CASQ2: variants seen among roughly 807,000 people sequenced by gnomAD.
The protein encoded by CASQ2 is calsequestrin 2, also known as calsequestrin-2.
A neutral mutation model predicts 46.5 loss-of-function variants in CASQ2; 49 were observed. The ratio of observed to expected loss-of-function variants is 1.05; its 90% CI spans 0.84 to 1.34. CASQ2 has a LOEUF of 1.34. Among genes scored for constraint, CASQ2 ranks in the 40% most tolerant of loss-of-function variants. The pLI, the probability that CASQ2 is intolerant of heterozygous loss-of-function variation, is 0.00. For missense variants in CASQ2, 486 were observed against 481.3 expected (o/e 1.01, Z -0.09); for synonymous variants, 174 against 168.5 (o/e 1.03, Z -0.25).
At chr1:115,750,578 G>A (rs1265814424) in intron 1 of CASQ2, among the ~76,000 whole-genome samples, 1 of 152,108 alleles carries the variant, frequency 6.6e-6, no homozygotes, top group Non-Finnish European at 1.5e-5. Context: ...GCACAATCAC[G>A]GCTCACTGAA....
chr1:115,748,802 G>C (rs1648475927), intron 1 of CASQ2, among the ~76,000 whole-genome samples: 1 of 152,120 alleles, frequency 6.6e-6, no homozygotes, highest in Admixed American at 6.5e-5. Flanking sequence ...ATATCACTCA[G>C]AGTCAGTAAT....
At chr1:115,728,796 A>G (rs764770602) in intron 5 of CASQ2, among the ~76,000 whole-genome samples, 1 of 152,188 alleles carries the variant, frequency 6.6e-6, no homozygotes, top group Non-Finnish European at 1.5e-5. Flanking sequence ...TCAGGATCAT[A>G]TATCTGGAGG....
rs1467146844 is a variant in CASQ2 at position 115,723,297 on chromosome 1, C to CTATT, written c.783+2210_783+2211insAATA. On this transcript the variant is annotated intron_variant, in intron 7 of 10. Transcript: ENST00000261448. ...ATCATCTATCTATATCTCTCTATAT[C>CTATT]TATCTATTTATCTATCTATCTATCT... is the stretch of plus-strand genomic sequence containing the variant. 1.6e-3 allele frequency among the ~76,000 whole-genome samples: 228 copies of CTATT among 138,816 alleles called. 1 individual carries two copies. Among genetic ancestry groups the CTATT allele is most frequent in the African/African-American group, 5.9e-3 (218 of 36,974 alleles). 91.1% of individuals were successfully genotyped at this position (138,816 alleles called of 152,430 possible).
At chr1:115,725,407 C>T (rs535459644) in intron 7 of CASQ2, 101 bp downstream of exon 7, 284 of 1,339,062 alleles carry the variant, frequency 2.1e-4, no homozygotes, top group Non-Finnish European at 2.8e-4. Context: ...CCACCTCAGC[C>T]AAATAAACTT....
intron 1 of CASQ2, among the ~76,000 whole-genome samples, chr1:115,759,009 A>T (rs1424954050): frequency 6.6e-6 from 1 of 152,222 alleles, no homozygotes; most frequent in Non-Finnish European, 1.5e-5. Flanking sequence ...GAGGGTAGAG[A>T]AGGTAAAATG....
intron 1 of CASQ2, among the ~76,000 whole-genome samples, chr1:115,750,296 T>C (rs1570846566): frequency 6.6e-6 from 1 of 152,192 alleles, no homozygotes; most frequent in African/African-American, 2.4e-5. Flanking sequence ...GACGTACAAC[T>C]GTTTCTCTGC....
intron 7 of CASQ2, among the ~76,000 whole-genome samples, chr1:115,723,274 C>CATCTATCT (rs1553193948): frequency 0.23 from 34,986 of 150,364 alleles, 4,220 homozygotes; most frequent in African/African-American, 0.29. Flanking sequence ...ATCTATCTAT[C>CATCTATCT]ATCTATCTAT....
intron 7 of CASQ2, among the ~76,000 whole-genome samples, chr1:115,720,268 G>A (rs1447848876): frequency 2.0e-5 from 3 of 152,108 alleles, no homozygotes; most frequent in African/African-American, 4.8e-5. Context: ...GGTGTCTCGC[G>A]AGGCCTGCTT....
chr1:115,728,313 T>A (rs1647665094), intron 5 of CASQ2, among the ~76,000 whole-genome samples: 2 of 152,166 alleles, frequency 1.3e-5, no homozygotes, highest in African/African-American at 4.8e-5. Context: ...CATATAGTAC[T>A]TAAGGGAGAG....
At chr1:115,763,205 G>A (rs1192676896) in intron 1 of CASQ2, among the ~76,000 whole-genome samples, 1 of 152,130 alleles carries the variant, frequency 6.6e-6, no homozygotes, top group Non-Finnish European at 1.5e-5. Flanking sequence ...AAGGTAGAAA[G>A]GATTAGAAGG....
In CASQ2 at chr1:115,768,610, G is replaced by A; in HGVS notation, c.-69C>T. On this transcript the variant is annotated 5_prime_UTR_variant, in exon 1 of 11. Transcript: ENST00000261448. ...GAATAGAGGACAGAAGACTGTTAGA[G>A]GCCTTGTTGAGCCAAGGAGAGAGCA... 1 of 1,028,222 alleles carries A rather than the reference G, an allele frequency of 9.7e-7. No individual in the cohort carries two copies. The highest frequency in any genetic ancestry group is 1.3e-5 in the South Asian group (1 of 75,174). 63.7% of individuals were successfully genotyped at this position (1,028,222 alleles called of 1,614,324 possible).
intron 3 of CASQ2, among the ~76,000 whole-genome samples, chr1:115,738,705 T>C (rs6692659): frequency 0.71 from 108,078 of 152,070 alleles, 42,038 homozygotes; most frequent in Non-Finnish European, 0.87. Context: ...ACCTCAAATA[T>C]TCATCATTTT....
At chr1:115,733,020 A>T (rs751862386) in intron 4 of CASQ2, 46 bp from the exon 5 acceptor site, 3 of 1,344,406 alleles carry the variant, frequency 2.2e-6, no homozygotes, top group South Asian at 2.3e-5. Context: ...TTCAAGATGA[A>T]CACAGAAGAA....
At chr1:115,701,594 T>C (rs912851310) in intron 10 of CASQ2, among the ~76,000 whole-genome samples, 168 bp from the exon 11 acceptor site, 3 of 152,196 alleles carry the variant, frequency 2.0e-5, no homozygotes, top group Non-Finnish European at 4.4e-5. Flanking sequence ...GTATGTGTAG[T>C]ATACTGTTTG....
intron 3 of CASQ2, among the ~76,000 whole-genome samples, chr1:115,740,209 A>T (rs984089881): frequency 2.0e-5 from 3 of 152,196 alleles, no homozygotes; most frequent in African/African-American, 7.2e-5. Context: ...AAATATTTTT[A>T]TAATGTTTGT....
At chr1:115,713,039 G>A (rs1654598679) in intron 8 of CASQ2, among the ~76,000 whole-genome samples, 1 of 152,062 alleles carries the variant, frequency 6.6e-6, no homozygotes, top group African/African-American at 2.4e-5. Flanking sequence ...TCCTTCCAGG[G>A]CCTGTCACTA....
At chr1:115,748,067 T>C (rs2101105077) in intron 1 of CASQ2, among the ~76,000 whole-genome samples, 1 of 152,310 alleles carries the variant, frequency 6.6e-6, no homozygotes, top group Admixed American at 6.5e-5. Flanking sequence ...TTCCTTTCAG[T>C]TCTATCAGTT....
intron 7 of CASQ2, among the ~76,000 whole-genome samples, chr1:115,723,257 T>G (rs956922281): frequency 1.7e-5 from 2 of 118,936 alleles, no homozygotes; most frequent in African/African-American, 6.1e-5. Flanking sequence ...TCTCTCTATA[T>G]CTATCTATCT....
At chr1:115,714,434 T>C (rs941543968) in intron 8 of CASQ2, among the ~76,000 whole-genome samples, 2 of 152,132 alleles carry the variant, frequency 1.3e-5, no homozygotes, top group African/African-American at 4.8e-5. Flanking sequence ...TGGCTTTAGG[T>C]GCTAAATAAG....
Sources: gnomAD v4.1 joint callset for allele counts (sites outside exome capture counted in the v4.1 genomes callset) on GRCh38, gnomAD v4.1.1 for gene constraint, MANE v1.5 for transcripts, NCBI Gene and HGNC (gene_info 2026-07-23, HGNC 2026-07-21) for gene names.